UNC5D: variants seen among roughly 807,000 people sequenced by gnomAD.
The protein encoded by UNC5D is netrin receptor UNC5D.
UNC5D carries 39 observed loss-of-function variants against 105.4 expected under a neutral mutation model. That is an observed-to-expected ratio of 0.37 (90% CI 0.29 to 0.48). The LOEUF (loss-of-function observed/expected upper bound fraction) is 0.48, where lower values mean the gene tolerates loss of function less well. UNC5D is among the 20% of genes least tolerant of loss of function. UNC5D has a pLI of 0.98. For missense variants in UNC5D, 991 were observed against 1,202.4 expected, an observed-to-expected ratio of 0.82 and a Z score of 2.60; for synonymous variants, 452 against 450.4, an observed-to-expected ratio of 1.00 and a Z score of -0.04.
intron 1 of UNC5D, among the ~76,000 whole-genome samples, chr8:35,476,706 T>C (rs779508976): frequency 2.0e-5 from 3 of 152,186 alleles, no homozygotes; most frequent in Non-Finnish European, 4.4e-5. Flanking sequence ...TAGTCTCCAG[T>C]GACATTTCAG....
chr8:35,641,554 G>A lies in UNC5D; in HGVS notation c.571-41993G>A, dbSNP rs374055861. On this transcript the variant is annotated intron_variant, in intron 4 of 16. Transcript: ENST00000404895. ...TCATTTAGCCTTCATTAGACATTGA[G>A]TCATATTCTACAATTTGTAATATTT... 2.7e-4 allele frequency among the ~76,000 whole-genome samples: 41 copies of A among 151,932 alleles called. 1 individual carries two copies. The highest frequency in any genetic ancestry group is 9.9e-4 in the African/African-American group (41 of 41,468).
At position 35,392,364 on chromosome 8, in the gene UNC5D, A is replaced by G. The variant is rs1803829200; in HGVS notation, c.103+156477A>G. ...GTGGCTGGGACTATGGGAGGTTGCCATCACACCCAGCCAATTGTAAAATGT... is the reference window on the plus strand; with the variant it reads ...GTGGCTGGGACTATGGGAGGTTGCCGTCACACCCAGCCAATTGTAAAATGT... On this transcript the variant is annotated intron_variant, in intron 1 of 16. Transcript: ENST00000404895. 2.6e-5 allele frequency among the ~76,000 whole-genome samples: 4 copies of G among 152,170 alleles called. No individual in the cohort carries two copies. In the South Asian group the frequency reaches 8.3e-4, roughly 31 times the overall value.
intron 10 of UNC5D, among the ~76,000 whole-genome samples, chr8:35,729,544 A>G (rs535198523): frequency 6.6e-6 from 1 of 152,342 alleles, no homozygotes; most frequent in South Asian, 2.1e-4. Context: ...GAGCGGCAGC[A>G]GAGAGGAAGT....
chr8:35,482,797 T>A (rs1337154151), intron 1 of UNC5D, among the ~76,000 whole-genome samples: 5 of 130,394 alleles, frequency 3.8e-5, no homozygotes, highest in Non-Finnish European at 6.5e-5. Flanking sequence ...AGAGATCTTT[T>A]TTTTTTTTTT....
chr8:35,629,162 G>C (rs1229176850), intron 4 of UNC5D, among the ~76,000 whole-genome samples: 2 of 152,108 alleles, frequency 1.3e-5, no homozygotes, highest in Non-Finnish European at 2.9e-5. Context: ...AATGTTTTGT[G>C]CTTTAAGTCC....
At chr8:35,631,483 G>A (rs1326207781) in intron 4 of UNC5D, among the ~76,000 whole-genome samples, 1 of 152,162 alleles carries the variant, frequency 6.6e-6, no homozygotes, top group Non-Finnish European at 1.5e-5. Context: ...AGTATCAGTT[G>A]TCCTTTGTTA....
At chr8:35,586,346 A>T (rs1030727740) in intron 3 of UNC5D, among the ~76,000 whole-genome samples, 3 of 152,204 alleles carry the variant, frequency 2.0e-5, no homozygotes, top group African/African-American at 4.8e-5. Flanking sequence ...GGAGGAGCGC[A>T]GATAATGTGC....
rs373298235 is a variant in UNC5D at position 35,672,292 on chromosome 8, C to T, written c.571-11255C>T. 2.7e-4 allele frequency among the ~76,000 whole-genome samples: 41 copies of T among 152,256 alleles called. 1 individual carries two copies. Among genetic ancestry groups the T allele is most frequent in the African/African-American group, 9.6e-4 (40 of 41,548 alleles). Reference sequence around the variant, plus strand: ...ATATTCTCACATCACCACTTTAAAACATTATTTACATACCTCAGATAATGG... The same window carrying T: ...ATATTCTCACATCACCACTTTAAAATATTATTTACATACCTCAGATAATGG... On this transcript the variant is annotated intron_variant, in intron 4 of 16. Coordinates refer to ENST00000404895, the MANE Select transcript of UNC5D (RefSeq NM_080872.4).
chr8:35,500,990 C>A (rs766939028), intron 1 of UNC5D, among the ~76,000 whole-genome samples: 1 of 152,186 alleles, frequency 6.6e-6, no homozygotes, highest in Non-Finnish European at 1.5e-5. Context: ...TGGTACTGCA[C>A]CTCTGGGTGC....
At position 35,433,040 on chromosome 8, in the gene UNC5D, CACTTA is replaced by C. The variant is rs148370192; in HGVS notation, c.104-116247_104-116243del. On this transcript the variant is annotated intron_variant, in intron 1 of 16. Coordinates refer to ENST00000404895, the MANE Select transcript of UNC5D (RefSeq NM_080872.4). ...TCCTTAATAACTAAAAAAGTGTTGG[CACTTA>C]ACTTTTTATGAATTTGAATTGAATA... Among the ~76,000 whole-genome samples, 95 of 152,218 alleles carry C rather than the reference CACTTA, an allele frequency of 6.2e-4. 1 individual carries two copies. The East Asian group carries it at 0.018, about 28-fold the overall frequency.
At chr8:35,396,639 A>AG (rs1482459683) in intron 1 of UNC5D, among the ~76,000 whole-genome samples, 4 of 152,036 alleles carry the variant, frequency 2.6e-5, no homozygotes, top group African/African-American at 7.2e-5. Context: ...CTGGTATTAC[A>AG]GGCATGCGCC....
Position 35,371,974 on chromosome 8 carries a change from C to T in UNC5D, c.103+136087C>T, listed in dbSNP as rs149518458. Among the ~76,000 whole-genome samples, 481 of 152,240 alleles carry T rather than the reference C, an allele frequency of 3.2e-3. 4 individuals carry two copies. Among genetic ancestry groups the T allele is most frequent in the African/African-American group, 9.7e-3 (404 of 41,542 alleles). On this transcript the variant is annotated intron_variant, in intron 1 of 16. Transcript: ENST00000404895. ...TTATGGGGGAATCATCACGACATGG[C>T]GGCATCTGCTCTTTAGGTCTTTGAT...
intron 11 of UNC5D, among the ~76,000 whole-genome samples, chr8:35,743,484 G>T (rs1829861274): frequency 6.6e-6 from 1 of 151,454 alleles, no homozygotes; most frequent in African/African-American, 2.4e-5. Context: ...CACCATGTTG[G>T]CCAGGCTGGT....
chr8:35,343,849 G>C lies in UNC5D; in HGVS notation c.103+107962G>C, dbSNP rs566409048. On this transcript the variant is annotated intron_variant, in intron 1 of 16. Transcript: ENST00000404895. ...TGCTGTTTTGAACATAAATGAATTT[G>C]TTTTAAAATTCTATTTAAGGACTGC... Among the ~76,000 whole-genome samples, 4 of 152,078 alleles carry C rather than the reference G, an allele frequency of 2.6e-5. 1 individual carries two copies. Among genetic ancestry groups the C allele is most frequent in the Non-Finnish European group, 4.4e-5 (3 of 67,988 alleles).
At chr8:35,777,668 CAG>C (rs139368281) in intron 16 of UNC5D, among the ~76,000 whole-genome samples, 1,709 of 152,194 alleles carry the variant, frequency 0.011, 24 homozygotes, top group African/African-American at 0.038. Flanking sequence ...GGAAAGCAGC[CAG>C]AGAGAGTCTG....
chr8:35,506,219 A>T (rs188338174), intron 1 of UNC5D, among the ~76,000 whole-genome samples: 144 of 152,306 alleles, frequency 9.5e-4, no homozygotes, highest in African/African-American at 3.2e-3. Context: ...TCACTCATGG[A>T]GGCAAGATAG....
At chr8:35,730,895 T>C (rs1011007369) in intron 10 of UNC5D, 117 bp from the exon 11 acceptor site, 3 of 818,214 alleles carry the variant, frequency 3.7e-6, no homozygotes, top group Non-Finnish European at 5.8e-6. Flanking sequence ...GATTGAGATT[T>C]CATAAATTGC....
chr8:35,731,754 A>G (rs1829209379), intron 11 of UNC5D, among the ~76,000 whole-genome samples: 1 of 152,178 alleles, frequency 6.6e-6, no homozygotes. Context: ...CCTTAGGCAA[A>G]TACATACGAT....
chr8:35,442,843 C>G (rs1445027189), intron 1 of UNC5D, among the ~76,000 whole-genome samples: 1 of 151,044 alleles, frequency 6.6e-6, no homozygotes, highest in Non-Finnish European at 1.5e-5. Context: ...AATTAAAACT[C>G]TATTTCTTAC....
Sources: allele counts gnomAD v4.1 joint callset (sites outside exome capture counted in the v4.1 genomes callset), GRCh38; gene constraint gnomAD v4.1.1; transcripts MANE v1.5; gene names NCBI Gene and HGNC (gene_info 2026-07-23, HGNC 2026-07-21).